ASH1L: variants seen among roughly 807,000 people sequenced by gnomAD.
ASH1L encodes ASH1 like histone lysine methyltransferase, also known as histone-lysine N-methyltransferase ASH1L.
In ASH1L, 23 loss-of-function variants were observed where a neutral mutation model predicts 269.0. The ratio of observed to expected loss-of-function variants is 0.09; its 90% CI spans 0.06 to 0.12. ASH1L has a LOEUF of 0.12. Among genes scored for constraint, ASH1L ranks in the 10% least tolerant of loss-of-function variants. ASH1L has a pLI of 1.00. For missense variants in ASH1L, 2,912 were observed against 3,567.8 expected, an observed-to-expected ratio of 0.82 and a Z score of 4.68; for synonymous variants, 1,187 against 1,253.5, an observed-to-expected ratio of 0.95 and a Z score of 1.12.
intron 10 of ASH1L, among the ~76,000 whole-genome samples, chr1:155,375,814 A>C (rs1317433108): frequency 6.6e-6 from 1 of 152,004 alleles, no homozygotes; most frequent in African/African-American, 2.4e-5. Context: ...AAAAAAAGAA[A>C]AATGAGACAG....
In ASH1L at chr1:155,417,733, C is replaced by T. The variant is rs190169221; in HGVS notation, c.5829-1810G>A. 1.2e-3 allele frequency among the ~76,000 whole-genome samples: 181 copies of T among 152,116 alleles called. 1 individual carries two copies. The highest frequency in any genetic ancestry group is 4.1e-3 in the African/African-American group (171 of 41,486). On this transcript the variant is annotated intron_variant, in intron 5 of 27. Transcript: ENST00000392403. Reference sequence around the variant, plus strand: ...CAGCACTTTGGGAGGCTGAGACAGGCGGATCACCTGAGGTCGGGAGTTCAA... The same window carrying T: ...CAGCACTTTGGGAGGCTGAGACAGGTGGATCACCTGAGGTCGGGAGTTCAA...
At chr1:155,444,988 T>TA (rs1662898682) in intron 4 of ASH1L, among the ~76,000 whole-genome samples, 1 of 152,108 alleles carries the variant, frequency 6.6e-6, no homozygotes, top group African/African-American at 2.4e-5. Context: ...CCCAAGGTCT[T>TA]AAAGATTTTT....
At chr1:155,342,159 C>T in intron 24 of ASH1L, 57 bp from the exon 25 acceptor site, 1 of 1,549,482 alleles carries the variant, frequency 6.5e-7, no homozygotes, top group East Asian at 2.3e-5. Context: ...CCCTGAGCTG[C>T]CCAAAGACCC....
chr1:155,493,687 G>A lies in ASH1L; in HGVS notation c.421-11238C>T, dbSNP rs1666961873. Among the ~76,000 whole-genome samples, 3 of 152,226 alleles carry A rather than the reference G, an allele frequency of 2.0e-5. No homozygotes were observed. The South Asian group carries it at 6.2e-4, about 32-fold the overall frequency. On this transcript the variant is annotated intron_variant, in intron 2 of 27. Transcript: ENST00000392403. ...GTTCAAGACCAGCCTAGCCAACATGGTGAAACCCCATCTCTACTAAAAATA... is the reference window on the plus strand; with the variant it reads ...GTTCAAGACCAGCCTAGCCAACATGATGAAACCCCATCTCTACTAAAAATA...
intron 1 of ASH1L, among the ~76,000 whole-genome samples, chr1:155,522,537 A>G (rs1668959739): frequency 6.6e-6 from 1 of 152,186 alleles, no homozygotes; most frequent in Non-Finnish European, 1.5e-5. Context: ...TTCCCCAAAT[A>G]CACAAAATGT....
At position 155,479,866 on chromosome 1, in the gene ASH1L, G is replaced by A. The variant is rs1427777130; in HGVS notation, c.3004C>T (p.Leu1002Phe). 1 of 1,613,312 alleles carries A rather than the reference G, an allele frequency of 6.2e-7. No homozygotes were observed. The highest frequency in any genetic ancestry group is 1.3e-5 in the African/African-American group (1 of 74,806). ...LKRKKLLNQI[L>F]SSSVESSNKG... is the part of the protein sequence containing the mutation. ...TTACTTGATTCTACAGAACTTGAAA[G>A]AATCTGATTCAACAGTTTCTTTCTC... The change falls in exon 3 of 28, where the codon CTT becomes TTT. Residue 1002 changes from leucine (L) to phenylalanine (F), a missense_variant. Leu to Phe is a conservative substitution (Grantham distance 22). This residue lies in a region of ASH1L where 715 missense variants were observed against 721.0 expected (regional missense o/e 0.99). Transcript: ENST00000392403.
At chr1:155,454,852 A>G (rs1190060893) in intron 4 of ASH1L, among the ~76,000 whole-genome samples, 2 of 152,214 alleles carry the variant, frequency 1.3e-5, no homozygotes, top group Admixed American at 6.5e-5. Flanking sequence ...TGATCTTAAC[A>G]TAAGTTCCTT....
intron 5 of ASH1L, among the ~76,000 whole-genome samples, chr1:155,417,750 G>A (rs1660335399): frequency 6.6e-6 from 1 of 152,054 alleles, no homozygotes; most frequent in Admixed American, 6.6e-5. Context: ...CCTGAGGTCG[G>A]GAGTTCAAGA....
At chr1:155,446,626 CTT>C (rs34042736) in intron 4 of ASH1L, among the ~76,000 whole-genome samples, 2 of 116,832 alleles carry the variant, frequency 1.7e-5, no homozygotes. Context: ...TTTTTTTTTT[CTT>C]TTTTTTTTTT....
intron 21 of ASH1L, 149 bp downstream of exon 21, chr1:155,346,234 A>G (rs751057741): frequency 1.9e-6 from 3 of 1,551,944 alleles, no homozygotes; most frequent in Non-Finnish European, 2.6e-6. Context: ...CAGAATTATG[A>G]CCCTTAATGT....
chr1:155,408,714 T>C (rs1659515533), intron 6 of ASH1L, among the ~76,000 whole-genome samples: 1 of 152,110 alleles, frequency 6.6e-6, no homozygotes, highest in Admixed American at 6.6e-5. Flanking sequence ...AAAATGCTAA[T>C]AGATTATAAT....
intron 1 of ASH1L, among the ~76,000 whole-genome samples, chr1:155,558,918 C>G (rs1002871614): frequency 2.7e-5 from 4 of 147,952 alleles, no homozygotes; most frequent in African/African-American, 1.0e-4. Flanking sequence ...GATCTCGGCT[C>G]ACTGCAACCT....
At chr1:155,362,594 A>G (rs747334425) in intron 12 of ASH1L, among the ~76,000 whole-genome samples, 8 of 152,162 alleles carry the variant, frequency 5.3e-5, no homozygotes, top group African/African-American at 7.2e-5. Context: ...TACACAGCTG[A>G]TAACTTAGGG....
intron 8 of ASH1L, 57 bp downstream of exon 8, chr1:155,379,986 C>T: frequency 7.9e-7 from 1 of 1,272,378 alleles, no homozygotes; most frequent in South Asian, 1.2e-5. Context: ...ACTTGCATTT[C>T]CACCCCTCCC....
At chr1:155,396,192 C>A (rs1352011236) in intron 6 of ASH1L, 1 of 149,380 alleles carries the variant, frequency 6.7e-6, no homozygotes, top group Non-Finnish European at 1.5e-5. Flanking sequence ...CAAGAGATTT[C>A]ATAAATATAT....
intron 1 of ASH1L, among the ~76,000 whole-genome samples, chr1:155,527,066 G>A (rs1669311403): frequency 6.6e-6 from 1 of 152,162 alleles, no homozygotes; most frequent in Non-Finnish European, 1.5e-5. Context: ...AAATTAGCCA[G>A]GTGTGGTGGC....
chr1:155,374,007 C>T (rs929387655), intron 10 of ASH1L, among the ~76,000 whole-genome samples: 3 of 152,084 alleles, frequency 2.0e-5, no homozygotes, highest in African/African-American at 7.2e-5. Context: ...AGAAAATAAT[C>T]GTCAAAATAT....
intron 1 of ASH1L, among the ~76,000 whole-genome samples, chr1:155,532,666 T>C (rs1171030118): frequency 6.6e-6 from 1 of 151,400 alleles, no homozygotes; most frequent in East Asian, 1.9e-4. Flanking sequence ...CTACTAAAAA[T>C]ACAAAAATTA....
intron 19 of ASH1L, 101 bp downstream of exon 19, chr1:155,349,226 C>A: frequency 7.3e-7 from 1 of 1,366,194 alleles, no homozygotes; most frequent in Non-Finnish European, 9.9e-7. Context: ...GCTTTTCCAA[C>A]CAGAAATATG....
Sources: allele counts gnomAD v4.1 joint callset (sites outside exome capture counted in the v4.1 genomes callset), GRCh38; gene constraint gnomAD v4.1.1; regional missense constraint gnomAD v4.1.1; transcripts MANE v1.5; gene names NCBI Gene and HGNC (gene_info 2026-07-23, HGNC 2026-07-21).